GRID2: variants seen among roughly 807,000 people sequenced by gnomAD.
GRID2 encodes the protein glutamate receptor ionotropic, delta-2.
In GRID2, 33 loss-of-function variants were observed where a neutral mutation model predicts 114.8. That is an observed-to-expected ratio of 0.29 (90% confidence interval 0.22 to 0.38). GRID2 has a LOEUF of 0.38. Among genes scored for constraint, GRID2 ranks in the 10% least tolerant of loss-of-function variants. GRID2 has a pLI of 1.00. For synonymous variants in GRID2, 505 were observed against 449.9 expected (o/e 1.12, Z -1.55); for missense variants, 1,184 against 1,257.7 (o/e 0.94, Z 0.89).
chr4:93,150,864 C>T (rs1318751598), intron 4 of GRID2, among the ~76,000 whole-genome samples: 3 of 151,884 alleles, frequency 2.0e-5, no homozygotes, highest in Non-Finnish European at 4.4e-5. Flanking sequence ...CGGTGGCTCT[C>T]GCCTGTAATC....
At chr4:92,386,693 GAT>G (rs1729977849) in intron 1 of GRID2, among the ~76,000 whole-genome samples, 2 of 151,696 alleles carry the variant, frequency 1.3e-5, no homozygotes, top group Admixed American at 1.3e-4. Flanking sequence ...TTCTGAATAA[GAT>G]ATGTATTAAA....
At chr4:92,596,137 A>C (rs946087176) in intron 2 of GRID2, among the ~76,000 whole-genome samples, 2 of 152,112 alleles carry the variant, frequency 1.3e-5, no homozygotes, top group Non-Finnish European at 2.9e-5. Flanking sequence ...TTATTTTCTG[A>C]ATTGTCTGAC....
chr4:93,035,060 G>T (rs996470558), intron 2 of GRID2, among the ~76,000 whole-genome samples: 5 of 150,492 alleles, frequency 3.3e-5, no homozygotes, highest in Admixed American at 2.0e-4. Flanking sequence ...GTGTGTTAAA[G>T]AAAGCCTAAG....
At chr4:92,987,667 T>A (rs564961961) in intron 2 of GRID2, among the ~76,000 whole-genome samples, 1 of 151,990 alleles carries the variant, frequency 6.6e-6, no homozygotes, top group African/African-American at 2.4e-5. Flanking sequence ...AAAAAGTAAT[T>A]ATAGTTTTTT....
At position 93,241,204 on chromosome 4, in the gene GRID2, A is replaced by G. The variant is rs188251864; in HGVS notation, c.1245+2714A>G. On this transcript the variant is annotated intron_variant, in intron 8 of 15. Coordinates refer to ENST00000282020, the MANE Select transcript of GRID2 (RefSeq NM_001510.4). ...AAATGATATTTTATATTGATTTTAT[A>G]TCTAGCACTCTTGCTCAGACTTTTA... Among the ~76,000 whole-genome samples the G allele has an allele frequency of 7.2e-4, 110 of 151,934 alleles. 1 individual carries two copies. Among genetic ancestry groups the G allele is most frequent in the African/African-American group, 2.6e-3 (110 of 41,536 alleles).
At chr4:93,608,566 G>A (rs1348792294) in intron 13 of GRID2, among the ~76,000 whole-genome samples, 3 of 143,550 alleles carry the variant, frequency 2.1e-5, no homozygotes. Context: ...GCAGTGTTTG[G>A]TTTTTTGTTC....
intron 12 of GRID2, among the ~76,000 whole-genome samples, chr4:93,505,530 A>T (rs1201644886): frequency 6.6e-6 from 1 of 150,744 alleles, no homozygotes; most frequent in African/African-American, 2.4e-5. Flanking sequence ...GGAAAACTGC[A>T]GGATAATTGA....
chr4:93,217,917 G>A (rs1044473284), intron 6 of GRID2, among the ~76,000 whole-genome samples: 2 of 151,584 alleles, frequency 1.3e-5, no homozygotes, highest in Non-Finnish European at 2.9e-5. Context: ...ATTTACCATA[G>A]GAAACATTTT....
chr4:92,560,122 A>G (rs1727040779), intron 1 of GRID2, among the ~76,000 whole-genome samples: 1 of 152,214 alleles, frequency 6.6e-6, no homozygotes, highest in African/African-American at 2.4e-5. Context: ...TCCATATTCC[A>G]TAATCCAAAA....
intron 2 of GRID2, among the ~76,000 whole-genome samples, chr4:92,720,038 ATATT>A: frequency 6.6e-6 from 1 of 152,254 alleles, no homozygotes; most frequent in African/African-American, 2.4e-5. Context: ...ATAAATACAT[ATATT>A]AAGAATTGAT....
At chr4:92,390,849 A>C (rs935959111) in intron 1 of GRID2, among the ~76,000 whole-genome samples, 5 of 152,060 alleles carry the variant, frequency 3.3e-5, no homozygotes, top group Non-Finnish European at 5.9e-5. Flanking sequence ...TGTTTTTCTC[A>C]CTAAGATAAA....
At chr4:93,679,309 A>G (rs1362540770) in intron 14 of GRID2, among the ~76,000 whole-genome samples, 1 of 150,922 alleles carries the variant, frequency 6.6e-6, no homozygotes, top group Admixed American at 6.6e-5. Flanking sequence ...AGAGACTTAG[A>G]CTCCCACCCA....
chr4:93,581,746 G>C (rs930098180), intron 13 of GRID2, among the ~76,000 whole-genome samples: 1 of 151,942 alleles, frequency 6.6e-6, no homozygotes, highest in Non-Finnish European at 1.5e-5. Flanking sequence ...TCTCTATCAG[G>C]ATATCTCTAT....
intron 10 of GRID2, among the ~76,000 whole-genome samples, chr4:93,451,592 G>A (rs1722689852): frequency 6.6e-6 from 1 of 152,058 alleles, no homozygotes; most frequent in African/African-American, 2.4e-5. Context: ...AATTTTTAAA[G>A]TGTGGCAGGA....
intron 1 of GRID2, among the ~76,000 whole-genome samples, chr4:92,572,359 C>T (rs1305379345): frequency 3.3e-5 from 5 of 151,932 alleles, no homozygotes; most frequent in Non-Finnish European, 5.9e-5. Flanking sequence ...TCTGAATAGA[C>T]CAATAACAGG....
intron 2 of GRID2, among the ~76,000 whole-genome samples, chr4:92,835,359 T>C (rs1211051446): frequency 6.6e-6 from 1 of 152,148 alleles, no homozygotes; most frequent in Non-Finnish European, 1.5e-5. Flanking sequence ...TAAAGTCAGA[T>C]AAGCTAAAAG....
At chr4:92,915,806 C>G (rs1312038755) in intron 2 of GRID2, among the ~76,000 whole-genome samples, 1 of 152,098 alleles carries the variant, frequency 6.6e-6, no homozygotes, top group Non-Finnish European at 1.5e-5. Flanking sequence ...TTGCATTTCT[C>G]TAATGATCAG....
intron 2 of GRID2, among the ~76,000 whole-genome samples, chr4:92,766,458 A>G (rs750394762): frequency 1.3e-5 from 2 of 150,676 alleles, no homozygotes; most frequent in African/African-American, 2.4e-5. Context: ...AATGGCGTGA[A>G]CCCAGGAGGT....
At chr4:93,222,271 C>T (rs1451149191) in intron 6 of GRID2, among the ~76,000 whole-genome samples, 1 of 151,930 alleles carries the variant, frequency 6.6e-6, no homozygotes, top group Admixed American at 6.6e-5. Flanking sequence ...AAGACGTATG[C>T]ACTGTGTGTT....
Sources: gnomAD v4.1 joint callset for allele counts (sites outside exome capture counted in the v4.1 genomes callset) on GRCh38, gnomAD v4.1.1 for gene constraint, MANE v1.5 for transcripts, NCBI Gene and HGNC (gene_info 2026-07-23, HGNC 2026-07-21) for gene names.